Variants in ANKS1B observed in about 807,000 individuals in gnomAD.
The protein encoded by ANKS1B is ankyrin repeat and sterile alpha motif domain containing 1B, also known as ankyrin repeat and sterile alpha motif domain-containing protein 1B.
In ANKS1B, 36 loss-of-function variants were observed where a neutral mutation model predicts 148.3. That is an observed-to-expected ratio of 0.24 (90% CI 0.19 to 0.32). ANKS1B has a LOEUF of 0.32. Ranked by LOEUF, ANKS1B falls within the 10% of genes least tolerant of loss-of-function variation. The pLI is 1.00. For missense variants in ANKS1B, 1,157 were observed against 1,542.6 expected (o/e 0.75, Z 4.19); for synonymous variants, 542 against 560.8 (o/e 0.97, Z 0.47).
chr12:99,154,504 A>G (rs1266732712), intron 14 of ANKS1B, 109 bp from the exon 15 acceptor site: 4 of 1,607,778 alleles, frequency 2.5e-6, no homozygotes, highest in Non-Finnish European at 2.5e-6. Context: ...CCCCTGGGAA[A>G]GTTGCTATCA....
intron 12 of ANKS1B, among the ~76,000 whole-genome samples, chr12:99,309,858 C>A (rs2082898205): frequency 6.6e-6 from 1 of 152,060 alleles, no homozygotes; most frequent in Admixed American, 6.6e-5. Context: ...ACTATGATGT[C>A]CTCTTAAGAA....
At chr12:99,211,249 A>T (rs1754918164) in intron 14 of ANKS1B, among the ~76,000 whole-genome samples, 1 of 152,166 alleles carries the variant, frequency 6.6e-6, no homozygotes, top group African/African-American at 2.4e-5. Context: ...AGACCCAATT[A>T]AAATGGAGTC....
At chr12:99,828,434 C>T (rs2083476776) in intron 1 of ANKS1B, among the ~76,000 whole-genome samples, 1 of 152,132 alleles carries the variant, frequency 6.6e-6, no homozygotes, top group African/African-American at 2.4e-5. Context: ...CTCAGAGCTT[C>T]CCATGAGTTT....
chr12:98,950,757 CCTTT>C (rs937457022), intron 17 of ANKS1B, among the ~76,000 whole-genome samples: 5 of 151,990 alleles, frequency 3.3e-5, no homozygotes, highest in Admixed American at 6.6e-5. Context: ...CTGTGTGCTA[CCTTT>C]CTTTTTTGGT....
chr12:99,456,205 T>A (rs1257575065), intron 10 of ANKS1B, among the ~76,000 whole-genome samples: 1 of 151,866 alleles, frequency 6.6e-6, no homozygotes, highest in Non-Finnish European at 1.5e-5. Flanking sequence ...GGAAGCCCCA[T>A]CCCTAGGGGA....
At chr12:99,104,237 A>G (rs2058648885) in intron 15 of ANKS1B, among the ~76,000 whole-genome samples, 1 of 152,166 alleles carries the variant, frequency 6.6e-6, no homozygotes, top group Admixed American at 6.5e-5. Context: ...TTGGTTACAG[A>G]TGAGATATTG....
intron 8 of ANKS1B, among the ~76,000 whole-genome samples, chr12:99,742,134 G>GA (rs556751525): frequency 6.5e-4 from 93 of 144,104 alleles, no homozygotes; most frequent in Non-Finnish European, 1.0e-3. Context: ...AGAGGATCAG[G>GA]AAAAAAAAAA....
intron 17 of ANKS1B, among the ~76,000 whole-genome samples, chr12:99,009,965 G>A (rs931275705): frequency 1.3e-5 from 2 of 152,194 alleles, no homozygotes; most frequent in African/African-American, 2.4e-5. Context: ...CACTGGGAAT[G>A]TGTGTAGGAT....
chr12:98,878,965 T>G (rs1156323710), intron 17 of ANKS1B, among the ~76,000 whole-genome samples: 2 of 152,188 alleles, frequency 1.3e-5, no homozygotes, highest in African/African-American at 2.4e-5. Flanking sequence ...ACAAAGCAGA[T>G]CTAATGAACA....
chr12:99,007,344 G>A (rs1188206467), intron 17 of ANKS1B, among the ~76,000 whole-genome samples: 6 of 152,230 alleles, frequency 3.9e-5, no homozygotes, highest in African/African-American at 1.2e-4. Flanking sequence ...GAAGATTCAA[G>A]TAAATACTAG....
chr12:99,891,164 T>C (rs891712701), intron 1 of ANKS1B, among the ~76,000 whole-genome samples: 2 of 152,230 alleles, frequency 1.3e-5, no homozygotes, highest in African/African-American at 4.8e-5. Flanking sequence ...CATGTAGTAG[T>C]AGGTCTATGT....
intron 14 of ANKS1B, among the ~76,000 whole-genome samples, chr12:99,173,347 C>T (rs1283610576): frequency 1.3e-5 from 2 of 152,052 alleles, no homozygotes; most frequent in African/African-American, 4.8e-5. Flanking sequence ...TTGTGAAAAT[C>T]CAGGGCTAAA....
intron 9 of ANKS1B, among the ~76,000 whole-genome samples, chr12:98,736,054 G>A (rs977904655): frequency 1.3e-5 from 2 of 152,192 alleles, no homozygotes; most frequent in Non-Finnish European, 2.9e-5. Context: ...TGAGTGTGAG[G>A]AGTCTAACAG....
At chr12:99,802,227 A>G (rs2067033639) in intron 4 of ANKS1B, among the ~76,000 whole-genome samples, 2 of 152,170 alleles carry the variant, frequency 1.3e-5, no homozygotes, top group African/African-American at 4.8e-5. Context: ...ATAGTCACAT[A>G]AAGTCTAATT....
chr12:99,180,810 A>T (rs1442662159), intron 14 of ANKS1B, among the ~76,000 whole-genome samples: 1 of 152,070 alleles, frequency 6.6e-6, no homozygotes, highest in Non-Finnish European at 1.5e-5. Flanking sequence ...GGACACTGAA[A>T]GTGCCTCAGA....
intron 25 of ANKS1B, among the ~76,000 whole-genome samples, chr12:98,772,660 ACCTCCCACTGGGTT>A: frequency 6.6e-6 from 1 of 151,998 alleles, no homozygotes; most frequent in Non-Finnish European, 1.5e-5. Flanking sequence ...CGATTCAATT[ACCTCCCACTGGGTT>A]CCTCCCATGA....
rs891432556 is a variant in ANKS1B, at chr12:99,806,453, T to C, written c.620A>G (p.Lys207Arg). 4 of 1,613,982 alleles carry C rather than the reference T, an allele frequency of 2.5e-6. No homozygotes were observed. Among genetic ancestry groups the C allele is most frequent in the Non-Finnish European group, 1.7e-6 (2 of 1,179,860 alleles). Residue 207 changes from lysine to arginine, a missense_variant, in exon 4 of 27, where the codon AAA (lysine) becomes AGA (arginine). Lys to Arg is a conservative substitution (Grantham distance 26). This residue lies in a region of ANKS1B where 26 missense variants were observed against 83.4 expected (regional missense o/e 0.31). Coordinates refer to ENST00000683438, the MANE Select transcript of ANKS1B (RefSeq NM_001352186.2). ...PLHLAARNGH[K>R]AVVQVLLEAG... ...CTCCAGCAGCACCTGCACGACTGCT[T>C]TGTGGCCATTGCGCGCAGCAAGGTG...
intron 8 of ANKS1B, among the ~76,000 whole-genome samples, chr12:99,720,995 G>A (rs2058031386): frequency 6.6e-6 from 1 of 152,052 alleles, no homozygotes; most frequent in Non-Finnish European, 1.5e-5. Flanking sequence ...GATGTCCTGG[G>A]TCCTCCCAAT....
chr12:99,096,709 T>C (rs1173668768), intron 15 of ANKS1B, among the ~76,000 whole-genome samples: 1 of 152,182 alleles, frequency 6.6e-6, no homozygotes, highest in Non-Finnish European at 1.5e-5. Context: ...TTTAACTCCA[T>C]TTTCTTCACT....
Sources: gnomAD v4.1 joint callset for allele counts (sites outside exome capture counted in the v4.1 genomes callset) on GRCh38, gnomAD v4.1.1 for gene constraint, gnomAD v4.1.1 regional missense constraint, MANE v1.5 for transcripts, NCBI Gene and HGNC (gene_info 2026-07-23, HGNC 2026-07-21) for gene names.